DSCAM: variants seen among roughly 807,000 people sequenced by gnomAD.
DSCAM encodes cell adhesion molecule DSCAM.
In DSCAM, 47 loss-of-function variants were observed where a neutral mutation model predicts 217.7. That is an observed-to-expected ratio of 0.22 (90% CI 0.17 to 0.28). DSCAM has a LOEUF of 0.28. Ranked by LOEUF, DSCAM falls within the 10% of genes least tolerant of loss-of-function variation. The probability of loss-of-function intolerance (pLI) is 1.00; values close to 1 mark genes in which losing one functional copy is unlikely to be tolerated. For synonymous variants in DSCAM, 1,056 were observed against 1,015.3 expected (o/e 1.04, Z -0.76); for missense variants, 2,080 against 2,618.3 (o/e 0.79, Z 4.49).
chr21:40,662,692 G>A (rs2090151423), intron 3 of DSCAM, among the ~76,000 whole-genome samples: 2 of 152,118 alleles, frequency 1.3e-5, no homozygotes, highest in African/African-American at 4.8e-5. Flanking sequence ...TGGAATCAGT[G>A]CCCTCAGAGA....
At chr21:40,442,544 G>A (rs1601647535) in intron 3 of DSCAM, among the ~76,000 whole-genome samples, 1 of 123,406 alleles carries the variant, frequency 8.1e-6, no homozygotes, top group Non-Finnish European at 1.6e-5. Context: ...TGGTGAGATT[G>A]GGTCTCGCTC....
chr21:40,504,680 G>T (rs932353878), intron 3 of DSCAM, among the ~76,000 whole-genome samples: 39 of 152,128 alleles, frequency 2.6e-4, no homozygotes, highest in African/African-American at 9.2e-4. Context: ...TTCTGGGGCC[G>T]CTATCCATCC....
At chr21:40,465,738 A>G (rs905575766) in intron 3 of DSCAM, among the ~76,000 whole-genome samples, 12 of 152,212 alleles carry the variant, frequency 7.9e-5, no homozygotes, top group Non-Finnish European at 1.5e-5. Context: ...TCCCCAGGGA[A>G]GCCAAAAGAC....
chr21:40,104,950 T>C (rs1400829607), intron 20 of DSCAM, among the ~76,000 whole-genome samples: 1 of 152,180 alleles, frequency 6.6e-6, no homozygotes, highest in Non-Finnish European at 1.5e-5. Context: ...CAGGGTGGCA[T>C]ACACTAAGCT....
chr21:40,119,869 CG>C (rs1327823596), intron 20 of DSCAM, among the ~76,000 whole-genome samples: 1 of 151,962 alleles, frequency 6.6e-6, no homozygotes, highest in African/African-American at 2.4e-5. Context: ...CAGATGAGCA[CG>C]TTAGATGCTG....
At chr21:40,545,898 C>T (rs982023579) in intron 3 of DSCAM, among the ~76,000 whole-genome samples, 1 of 152,216 alleles carries the variant, frequency 6.6e-6, no homozygotes, top group African/African-American at 2.4e-5. Flanking sequence ...GCTTTGGGAA[C>T]AGAAAGTCAG....
intron 8 of DSCAM, among the ~76,000 whole-genome samples, chr21:40,314,038 G>C (rs996645894): frequency 6.6e-6 from 1 of 152,176 alleles, no homozygotes; most frequent in Non-Finnish European, 1.5e-5. Context: ...ATTCAATCAA[G>C]TCATGTTTAT....
chr21:40,276,026 A>G, intron 11 of DSCAM, 71 bp downstream of exon 11: 2 of 1,439,288 alleles, frequency 1.4e-6, no homozygotes, highest in South Asian at 1.6e-5. Flanking sequence ...GTATGGAGAC[A>G]ATTGAAAAAG....
At chr21:40,503,031 A>G (rs541680584) in intron 3 of DSCAM, among the ~76,000 whole-genome samples, 2 of 152,332 alleles carry the variant, frequency 1.3e-5, no homozygotes, top group African/African-American at 2.4e-5. Context: ...GATGCTGACA[A>G]TTAGAACCAT....
intron 3 of DSCAM, among the ~76,000 whole-genome samples, chr21:40,479,265 C>T (rs2075962499): frequency 6.6e-6 from 1 of 152,242 alleles, no homozygotes; most frequent in African/African-American, 2.4e-5. Flanking sequence ...TGAAACTCAG[C>T]TCTTACTACC....
chr21:40,682,123 A>G (rs993217574), intron 3 of DSCAM, among the ~76,000 whole-genome samples: 1 of 152,146 alleles, frequency 6.6e-6, no homozygotes, highest in Non-Finnish European at 1.5e-5. Context: ...TGAAAAATAA[A>G]TGAATAAATC....
chr21:40,368,562 G>A (rs1162970302), intron 4 of DSCAM, among the ~76,000 whole-genome samples: 1 of 152,210 alleles, frequency 6.6e-6, no homozygotes, highest in African/African-American at 2.4e-5. Context: ...TGCTCAGGCA[G>A]TGATGTTTTA....
chr21:40,542,157 G>A (rs2076547385), intron 3 of DSCAM, among the ~76,000 whole-genome samples: 1 of 152,176 alleles, frequency 6.6e-6, no homozygotes, highest in Admixed American at 6.5e-5. Flanking sequence ...GATTTCAGAA[G>A]AAGATTATTC....
chr21:40,302,948 A>G (rs1172997647), intron 9 of DSCAM, among the ~76,000 whole-genome samples: 2 of 152,178 alleles, frequency 1.3e-5, no homozygotes, highest in African/African-American at 4.8e-5. Flanking sequence ...TTTTAAATGT[A>G]GTCCAGCGTT....
intron 1 of DSCAM, among the ~76,000 whole-genome samples, chr21:40,817,174 T>A (rs2091887711): frequency 6.6e-6 from 1 of 152,172 alleles, no homozygotes; most frequent in Non-Finnish European, 1.5e-5. Context: ...TAAGCCCCAT[T>A]TGTCTTAACA....
At chr21:40,435,122 G>A (rs558163341) in intron 3 of DSCAM, among the ~76,000 whole-genome samples, 46 of 152,184 alleles carry the variant, frequency 3.0e-4, no homozygotes, top group Admixed American at 9.2e-4. Context: ...AGATTACCCC[G>A]GAATCACCCT....
At chr21:40,796,891 G>C (rs1484260899) in intron 1 of DSCAM, among the ~76,000 whole-genome samples, 2 of 152,162 alleles carry the variant, frequency 1.3e-5, no homozygotes, top group Non-Finnish European at 2.9e-5. Flanking sequence ...AGATTGGAAA[G>C]ACAAGAGTAT....
intron 11 of DSCAM, among the ~76,000 whole-genome samples, chr21:40,221,066 G>C (rs528462637): frequency 5.9e-5 from 9 of 152,282 alleles, no homozygotes; most frequent in African/African-American, 2.2e-4. Context: ...TGGCTAGTGA[G>C]AAGCAAAGTA....
chr21:40,496,579 A>G (rs775788901), intron 3 of DSCAM, among the ~76,000 whole-genome samples: 8 of 152,156 alleles, frequency 5.3e-5, no homozygotes, highest in Non-Finnish European at 8.8e-5. Context: ...GAAAGGCTCC[A>G]TAATATTGAT....
Sources: allele counts gnomAD v4.1 joint callset (sites outside exome capture counted in the v4.1 genomes callset), GRCh38; gene constraint gnomAD v4.1.1; transcripts MANE v1.5; gene names NCBI Gene and HGNC (gene_info 2026-07-23, HGNC 2026-07-21).